The following IMPG2 variants were observed in gnomAD, a reference collection of about 807,000 sequenced individuals.
IMPG2 encodes the protein interphotoreceptor matrix proteoglycan 2.
Under a neutral mutation model 129.2 loss-of-function variants are expected in IMPG2, and 91 were observed. The observed-to-expected ratio is 0.70, with a 90% CI of 0.59 to 0.84. The LOEUF (loss-of-function observed/expected upper bound fraction) is 0.84, where lower values mean the gene tolerates loss of function less well. Among genes scored for constraint, IMPG2 ranks in the 40% least tolerant of loss-of-function variants. The pLI, the probability that IMPG2 is intolerant of heterozygous loss-of-function variation, is 0.00. For synonymous variants in IMPG2, 510 were observed against 517.7 expected (o/e 0.99, Z 0.20); for missense variants, 1,430 against 1,461.7 (o/e 0.98, Z 0.35).
At chr3:101,302,430 T>C (rs1321268646) in intron 3 of IMPG2, among the ~76,000 whole-genome samples, 1 of 152,190 alleles carries the variant, frequency 6.6e-6, no homozygotes, top group African/African-American at 2.4e-5. Flanking sequence ...TAAATAGCTA[T>C]CCCATGTTAG....
chr3:101,267,792 A>C (rs561032605), intron 8 of IMPG2, among the ~76,000 whole-genome samples: 1 of 152,290 alleles, frequency 6.6e-6, no homozygotes, highest in South Asian at 2.1e-4. Context: ...TTTCTTCATA[A>C]AGAAACTTTT....
chr3:101,233,934 A>G (rs551097431), intron 14 of IMPG2, among the ~76,000 whole-genome samples: 4 of 152,230 alleles, frequency 2.6e-5, no homozygotes, highest in African/African-American at 2.4e-5. Flanking sequence ...TACATACATA[A>G]TGTTTTGAAA....
At chr3:101,289,089 C>T (rs1185997564) in intron 4 of IMPG2, among the ~76,000 whole-genome samples, 2 of 152,128 alleles carry the variant, frequency 1.3e-5, no homozygotes, top group South Asian at 2.1e-4. Flanking sequence ...GAGTAAGATA[C>T]TTTTTTTATT....
At chr3:101,252,786 A>C (rs975100894) in intron 11 of IMPG2, among the ~76,000 whole-genome samples, 2 of 152,194 alleles carry the variant, frequency 1.3e-5, no homozygotes, top group African/African-American at 2.4e-5. Flanking sequence ...ATTAATGGTT[A>C]CATGAATTAA....
chr3:101,237,126 C>G (rs1706355878), intron 14 of IMPG2, among the ~76,000 whole-genome samples: 2 of 152,138 alleles, frequency 1.3e-5, no homozygotes. Context: ...TGGAGCCCAC[C>G]ACAGCTTAGC....
intron 9 of IMPG2, among the ~76,000 whole-genome samples, chr3:101,267,052 T>G (rs549022860): frequency 6.6e-6 from 1 of 152,270 alleles, no homozygotes; most frequent in African/African-American, 2.4e-5. Context: ...CTGGAGGACA[T>G]TTTGTTAAGT....
intron 14 of IMPG2, among the ~76,000 whole-genome samples, chr3:101,234,438 C>G (rs1247068049): frequency 6.6e-6 from 1 of 152,052 alleles, no homozygotes; most frequent in Non-Finnish European, 1.5e-5. Context: ...GCCTCAAGAA[C>G]TGTGGGAGAA....
At chr3:101,286,186 A>G (rs1706943983) in intron 4 of IMPG2, among the ~76,000 whole-genome samples, 1 of 152,102 alleles carries the variant, frequency 6.6e-6, no homozygotes, top group African/African-American at 2.4e-5. Flanking sequence ...TACCTAGAAC[A>G]ATGTCTGGCC....
chr3:101,285,790 T>G (rs1410491461), intron 4 of IMPG2, among the ~76,000 whole-genome samples: 1 of 152,230 alleles, frequency 6.6e-6, no homozygotes. Context: ...TTTTAAATTT[T>G]TATAAATTTT....
intron 10 of IMPG2, 150 bp from the exon 11 acceptor site, chr3:101,253,931 T>G (rs1405510771): frequency 3.1e-6 from 2 of 645,150 alleles, no homozygotes. Flanking sequence ...TGTTTGTTAC[T>G]TTATTCAGAT....
intron 4 of IMPG2, among the ~76,000 whole-genome samples, chr3:101,278,378 T>C (rs770968): frequency 0.91 from 137,856 of 152,248 alleles, 62,540 homozygotes; most frequent in East Asian, 1. Context: ...AGCCACACAC[T>C]TTTAGATCAA....
intron 3 of IMPG2, among the ~76,000 whole-genome samples, chr3:101,296,184 T>G (rs2107130550): frequency 1.3e-5 from 2 of 152,296 alleles, no homozygotes; most frequent in African/African-American, 4.8e-5. Context: ...TTCAGTATGA[T>G]ATTGGGTGTG....
At chr3:101,315,917 G>T (rs1198003376) in intron 2 of IMPG2, among the ~76,000 whole-genome samples, 1 of 150,506 alleles carries the variant, frequency 6.6e-6, no homozygotes, top group Non-Finnish European at 1.5e-5. Context: ...AGACACTATG[G>T]TATTGGCATA....
chr3:101,239,719 AC>A (rs1263131442), intron 14 of IMPG2, among the ~76,000 whole-genome samples: 1 of 152,244 alleles, frequency 6.6e-6, no homozygotes. Flanking sequence ...GCACATATAC[AC>A]CATTGAATAC....
At chr3:101,256,110 GAAAGAAAA>G (rs1706596435) in intron 10 of IMPG2, among the ~76,000 whole-genome samples, 2 of 114,674 alleles carry the variant, frequency 1.7e-5, no homozygotes, top group African/African-American at 6.6e-5. Flanking sequence ...AAGAAAGAAA[GAAAGAAAA>G]AGAAAGAGAG....
At position 101,282,267 on chromosome 3, in the gene IMPG2, A is replaced by G. The variant is rs182917507; in HGVS notation, c.534-5554T>C. The stretch of plus-strand genomic sequence containing the variant: ...GATGGTAATATTCAAGCGGAGAAAG[A>G]TAGGCTGAGTAAATTCTTAGGCCAC... On this transcript the variant is annotated intron_variant, in intron 4 of 18. Transcript: ENST00000193391. Among the ~76,000 whole-genome samples, 381 of 152,260 alleles carry G rather than the reference A, an allele frequency of 2.5e-3. 2 individuals are homozygous for G. Among genetic ancestry groups the G allele is most frequent in the African/African-American group, 8.9e-3 (370 of 41,544 alleles).
intron 18 of IMPG2, among the ~76,000 whole-genome samples, chr3:101,227,613 C>T (rs906551517): frequency 2.0e-5 from 3 of 152,140 alleles, no homozygotes; most frequent in African/African-American, 4.8e-5. Flanking sequence ...GAAATGGAGC[C>T]GTGGGTCATC....
intron 3 of IMPG2, among the ~76,000 whole-genome samples, chr3:101,299,052 G>T (rs925757832): frequency 2.2e-4 from 33 of 151,726 alleles, no homozygotes; most frequent in South Asian, 1.3e-3. Context: ...CATAGGTTTG[G>T]TTTTTTTTAC....
At chr3:101,245,337 C>G (rs1706464974) in intron 12 of IMPG2, among the ~76,000 whole-genome samples, 1 of 152,012 alleles carries the variant, frequency 6.6e-6, no homozygotes, top group Non-Finnish European at 1.5e-5. Flanking sequence ...TTCATTTTCA[C>G]TTCTTTATCT....
Sources: gnomAD v4.1 joint callset for allele counts (sites outside exome capture counted in the v4.1 genomes callset) on GRCh38, gnomAD v4.1.1 for gene constraint, MANE v1.5 for transcripts, NCBI Gene and HGNC (gene_info 2026-07-23, HGNC 2026-07-21) for gene names.